The following TRAP1 variants were observed in gnomAD, a reference collection of about 807,000 sequenced individuals.
TRAP1 encodes heat shock protein 75 kDa, mitochondrial.
TRAP1 carries 102 observed loss-of-function variants against 89.1 expected under a neutral mutation model. That is an observed-to-expected ratio of 1.15 (90% confidence interval 0.98 to 1.35). The LOEUF (loss-of-function observed/expected upper bound fraction) is 1.35, where lower values mean the gene tolerates loss of function less well. Ranked by LOEUF, TRAP1 falls within the 40% of genes most tolerant of loss-of-function variation. TRAP1 has a pLI of 0.00. For synonymous variants in TRAP1, 508 were observed against 388.0 expected (o/e 1.31, Z -3.64); for missense variants, 1,256 against 945.3 (o/e 1.33, Z -4.31).
At chr16:3,671,036 G>A (rs1012778239) in intron 11 of TRAP1, among the ~76,000 whole-genome samples, 1 of 152,150 alleles carries the variant, frequency 6.6e-6, no homozygotes, top group Non-Finnish European at 1.5e-5. Context: ...AGAAACCGGT[G>A]GGCAGAGAAA....
chr16:3,670,407 A>AAAAAAAAAAAAAC, intron 11 of TRAP1, among the ~76,000 whole-genome samples: 1 of 148,850 alleles, frequency 6.7e-6, no homozygotes, highest in African/African-American at 2.5e-5. Flanking sequence ...AAAAAAAAAA[A>AAAAAAAAAAAAAC]AAAATCTAAG....
intron 13 of TRAP1, 27 bp downstream of exon 13, chr16:3,664,247 A>G (rs2050770528): frequency 6.5e-7 from 1 of 1,531,854 alleles, no homozygotes; most frequent in Non-Finnish European, 8.8e-7. Flanking sequence ...CAGCCCCCGG[A>G]GCCCGCCCCA....
intron 13 of TRAP1, chr16:3,663,944 T>G: frequency 2.9e-6 from 1 of 345,006 alleles, no homozygotes; most frequent in Non-Finnish European, 5.3e-6. Context: ...GCACCTGTAG[T>G]CCCAGCTACT....
chr16:3,670,319 G>C (rs1227596890), intron 11 of TRAP1, among the ~76,000 whole-genome samples: 1 of 142,326 alleles, frequency 7.0e-6, no homozygotes, highest in African/African-American at 2.7e-5. Flanking sequence ...GGAGGCGAAG[G>C]TTGCAGTGAG....
At chr16:3,675,039 G>A in intron 8 of TRAP1, 1 of 445,500 alleles carries the variant, frequency 2.2e-6, no homozygotes, top group Non-Finnish European at 4.1e-6. Context: ...ACAGCTCTGT[G>A]GCTGCACTGA....
At chr16:3,687,602 G>A (rs908629448) in intron 3 of TRAP1, among the ~76,000 whole-genome samples, 1 of 152,096 alleles carries the variant, frequency 6.6e-6, no homozygotes, top group Non-Finnish European at 1.5e-5. Context: ...CAGTGAGAGA[G>A]GCCGGGTGTG....
rs541240491 is a variant in TRAP1, at chr16:3,663,725, T to A, written c.1570-163A>T. The A allele has an allele frequency of 1.6e-5, 13 of 806,002 alleles. No individual in the cohort carries two copies. The East Asian group carries it at 3.0e-4, about 18-fold the overall frequency. 49.9% of individuals were successfully genotyped at this position (806,002 alleles called of 1,614,324 possible). A position where few individuals can be genotyped will look rare whatever the true frequency, so the allele number is the denominator to read the frequency against. Reference sequence around the variant, plus strand: ...CCTGCATGACAGTTACTACGACACCTGGGTCTAAGGAAGGCTCTGACTGCC... The same window carrying A: ...CCTGCATGACAGTTACTACGACACCAGGGTCTAAGGAAGGCTCTGACTGCC... On this transcript the variant is annotated intron_variant, in intron 13 of 17. Coordinates refer to ENST00000246957, the MANE Select transcript of TRAP1 (RefSeq NM_016292.3).
intron 1 of TRAP1, among the ~76,000 whole-genome samples, chr16:3,698,920 C>T (rs1200826760): frequency 1.3e-5 from 2 of 151,944 alleles, no homozygotes; most frequent in Non-Finnish European, 2.9e-5. Context: ...AAAAATAAAC[C>T]ATTAGAGGAA....
chr16:3,705,731 G>A (rs891379876), intron 1 of TRAP1, among the ~76,000 whole-genome samples: 2 of 152,112 alleles, frequency 1.3e-5, no homozygotes, highest in Admixed American at 6.6e-5. Flanking sequence ...CCAGGCTGGA[G>A]TGCAATGACA....
rs776306147 is a variant in TRAP1, at chr16:3,658,825, C to T, written c.1981G>A (p.Glu661Lys). 22 of 1,613,856 alleles carry T rather than the reference C, an allele frequency of 1.4e-5. 1 individual carries two copies. Among genetic ancestry groups the T allele is most frequent in the African/African-American group, 5.3e-5 (4 of 74,948 alleles). ...IKKLNQLRAS[E>K]PGLAQLLVDQ... ...ACCAGCAGCTGAGCCAGGCCAGGCTCGCTTGCGCGCAGCTGATTCAGCTTC... is the reference window on the plus strand; with the variant it reads ...ACCAGCAGCTGAGCCAGGCCAGGCTTGCTTGCGCGCAGCTGATTCAGCTTC... The change falls in exon 17 of 18, where the codon GAG (glutamate) becomes AAG (lysine). Residue 661 changes from glutamate to lysine, a missense_variant. Glu to Lys is a moderately conservative substitution (Grantham distance 56, BLOSUM62 1). Transcript: ENST00000246957.
chr16:3,674,525 G>A (rs781004098), intron 8 of TRAP1, 31 bp from the exon 9 acceptor site: 16 of 1,608,512 alleles, frequency 9.9e-6, no homozygotes, highest in Middle Eastern at 3.3e-4. Context: ...GGAGGGCGTC[G>A]TGTTCACCAC....
intron 4 of TRAP1, among the ~76,000 whole-genome samples, chr16:3,681,595 T>C (rs1328855220): frequency 2.6e-5 from 4 of 152,228 alleles, no homozygotes; most frequent in Non-Finnish European, 5.9e-5. Flanking sequence ...TCATTTATTG[T>C]AGATCATGTA....
intron 1 of TRAP1, among the ~76,000 whole-genome samples, chr16:3,703,875 C>T (rs1406987972): frequency 2.0e-5 from 3 of 151,412 alleles, no homozygotes; most frequent in Non-Finnish European, 2.9e-5. Flanking sequence ...ATTAGCCGGG[C>T]GTGGTGGCGG....
chr16:3,706,271 C>T (rs902180711), intron 1 of TRAP1, among the ~76,000 whole-genome samples: 3 of 151,792 alleles, frequency 2.0e-5, no homozygotes, highest in African/African-American at 7.3e-5. Context: ...CAACTTTTTA[C>T]TGTAACTTTT....
chr16:3,697,894 T>C (rs527259829), intron 1 of TRAP1, among the ~76,000 whole-genome samples: 121 of 151,432 alleles, frequency 8.0e-4, no homozygotes, highest in African/African-American at 2.9e-3. Context: ...GTTCAAGCAA[T>C]TCTCCTGCCT....
chr16:3,708,232 A>C (rs778133980), intron 1 of TRAP1, among the ~76,000 whole-genome samples: 7 of 152,024 alleles, frequency 4.6e-5, no homozygotes, highest in Admixed American at 2.0e-4. Context: ...TCACGCCTGT[A>C]ATCACAGCAC....
At chr16:3,686,244 C>A in intron 3 of TRAP1, 108 bp from the exon 4 acceptor site, 1 of 1,312,454 alleles carries the variant, frequency 7.6e-7, no homozygotes, top group Non-Finnish European at 1.1e-6. Context: ...GGAGAATAGT[C>A]AATTCTCAAA....
chr16:3,692,040 G>T (rs2051221355), intron 1 of TRAP1, among the ~76,000 whole-genome samples: 1 of 152,070 alleles, frequency 6.6e-6, no homozygotes, highest in South Asian at 2.1e-4. Flanking sequence ...CTGACCCCAG[G>T]GACCACATAC....
At chr16:3,677,769 C>G in intron 5 of TRAP1, 111 bp from the exon 6 acceptor site, 1 of 1,278,438 alleles carries the variant, frequency 7.8e-7, no homozygotes, top group South Asian at 1.5e-5. Context: ...CTGAAAACAG[C>G]CACACCGAGT....
Sources: allele counts gnomAD v4.1 joint callset (sites outside exome capture counted in the v4.1 genomes callset), GRCh38; gene constraint gnomAD v4.1.1; transcripts MANE v1.5; gene names NCBI Gene and HGNC (gene_info 2026-07-23, HGNC 2026-07-21).